Variants in ERG observed in about 807,000 individuals in gnomAD.
The protein encoded by ERG is transcriptional regulator ERG.
A neutral mutation model predicts 55.3 loss-of-function variants in ERG; 9 were observed. The observed-to-expected ratio is 0.16, with a 90% CI of 0.10 to 0.28. The LOEUF (loss-of-function observed/expected upper bound fraction) is 0.28, where lower values mean the gene tolerates loss of function less well. ERG is among the 10% of genes least tolerant of loss of function. The pLI is 1.00. For synonymous variants in ERG, 223 were observed against 237.3 expected (o/e 0.94, Z 0.55); for missense variants, 434 against 631.6 (o/e 0.69, Z 3.35).
At chr21:38,609,536 A>C (rs2060214114) in intron 1 of ERG, among the ~76,000 whole-genome samples, 1 of 152,268 alleles carries the variant, frequency 6.6e-6, no homozygotes, top group Non-Finnish European at 1.5e-5. Context: ...AAACCACCAC[A>C]AAAATCAGTA....
intron 1 of ERG, among the ~76,000 whole-genome samples, chr21:38,652,201 C>A (rs1267085456): frequency 6.6e-6 from 1 of 152,176 alleles, no homozygotes; most frequent in African/African-American, 2.4e-5. Context: ...TCCAAACACA[C>A]CAGCAGGCCT....
At chr21:38,517,171 A>C (rs930781680) in intron 2 of ERG, among the ~76,000 whole-genome samples, 16 of 152,164 alleles carry the variant, frequency 1.1e-4, no homozygotes, top group African/African-American at 3.9e-4. Context: ...AGCAGAGTGA[A>C]GAGACAACCT....
chr21:38,498,845 G>A (rs760512024), upstream of ERG, among the ~76,000 whole-genome samples: 29 of 152,220 alleles, frequency 1.9e-4, no homozygotes, highest in Non-Finnish European at 3.1e-4. This position sits in a 1 kb window ranked among gnomAD's most constrained non-coding sequence, Gnocchi z 4.6. Context: ...TCAGCCCTTC[G>A]CAGCCCAATT....
chr21:38,643,296 G>A (rs1393170630), intron 1 of ERG, among the ~76,000 whole-genome samples: 1 of 152,162 alleles, frequency 6.6e-6, no homozygotes, highest in Non-Finnish European at 1.5e-5. Context: ...AAGATTTACG[G>A]GATGGTTTAA....
At chr21:38,551,878 A>G (rs2059826650) in intron 2 of ERG, among the ~76,000 whole-genome samples, 1 of 152,164 alleles carries the variant, frequency 6.6e-6, no homozygotes, top group Non-Finnish European at 1.5e-5. Context: ...TGTCAAGTTT[A>G]GGTCTCAAAT....
chr21:38,484,325 C>T (rs2059264550), intron 1 of ERG, among the ~76,000 whole-genome samples: 1 of 152,108 alleles, frequency 6.6e-6, no homozygotes. Context: ...TAGATCCCTG[C>T]TCACCTCCCC....
At chr21:38,373,331 T>A in the ERG span, among the ~76,000 whole-genome samples, 1 of 152,346 alleles carries the variant, frequency 6.6e-6, no homozygotes, top group East Asian at 1.9e-4. Flanking sequence ...TTTTCAAAAA[T>A]TTCCCCAAGA....
intron 1 of ERG, among the ~76,000 whole-genome samples, chr21:38,477,458 C>A (rs1382210984): frequency 6.6e-6 from 1 of 152,110 alleles, no homozygotes; most frequent in South Asian, 2.1e-4. Context: ...TCATGGGGAG[C>A]AAACCTGTGA....
intron 2 of ERG, among the ~76,000 whole-genome samples, chr21:38,516,516 T>C (rs1466350166): frequency 6.6e-6 from 1 of 151,968 alleles, no homozygotes; most frequent in Non-Finnish European, 1.5e-5. Context: ...GAAGAACTAA[T>C]ATCATTAAAA....
chr21:38,599,240 T>C (rs1436172219), intron 1 of ERG, among the ~76,000 whole-genome samples: 1 of 152,036 alleles, frequency 6.6e-6, no homozygotes, highest in South Asian at 2.1e-4. Context: ...CAGGGACCCA[T>C]GGCAGGTGGC....
intron 1 of ERG, among the ~76,000 whole-genome samples, chr21:38,628,393 C>A (rs1172060343): frequency 6.6e-6 from 1 of 152,128 alleles, no homozygotes; most frequent in Admixed American, 6.6e-5. Flanking sequence ...AGAGCTTTGC[C>A]CATCTAAGGG....
At chr21:38,554,040 T>C (rs1387295455) in intron 2 of ERG, among the ~76,000 whole-genome samples, 2 of 151,734 alleles carry the variant, frequency 1.3e-5, no homozygotes, top group African/African-American at 4.8e-5. Flanking sequence ...AAAAGACACT[T>C]CTCAAAAGAA....
At chr21:38,375,483 G>C (rs1651178819), downstream of ERG, among the ~76,000 whole-genome samples, 1 of 152,154 alleles carries the variant, frequency 6.6e-6, no homozygotes, top group Admixed American at 6.5e-5. Flanking sequence ...GCAAATGCTT[G>C]TTAAGTAAAT....
chr21:38,508,412 C>T (rs975408960), intron 2 of ERG, among the ~76,000 whole-genome samples: 6 of 151,972 alleles, frequency 3.9e-5, no homozygotes, highest in African/African-American at 7.3e-5. Context: ...AAAAAAATAC[C>T]GGCTGTAAGA....
intron 1 of ERG, among the ~76,000 whole-genome samples, chr21:38,459,971 T>A (rs2059025803): frequency 6.6e-6 from 1 of 152,054 alleles, no homozygotes; most frequent in Non-Finnish European, 1.5e-5. Context: ...AGGTGGTAAG[T>A]GATAAGTATG....
intron 1 of ERG, among the ~76,000 whole-genome samples, chr21:38,648,735 A>G (rs2060471580): frequency 6.6e-6 from 1 of 152,130 alleles, no homozygotes; most frequent in Non-Finnish European, 1.5e-5. Flanking sequence ...CCCAGACACA[A>G]ATTTCCATGA....
At chr21:38,528,440 T>TTTTTTTG (rs1252911499) in intron 2 of ERG, among the ~76,000 whole-genome samples, 1 of 20,352 alleles carries the variant, frequency 4.9e-5, no homozygotes, top group Non-Finnish European at 1.2e-4. Context: ...AAACTTTTTT[T>TTTTTTTG]TTTTTTTTTT....
intron 6 of ERG, among the ~76,000 whole-genome samples, chr21:38,394,385 C>T (rs1327899888): frequency 1.3e-5 from 2 of 151,438 alleles, no homozygotes; most frequent in East Asian, 3.9e-4. Context: ...TGGAGTCTCG[C>T]TCTGTCCCCC....
At chr21:38,410,618 A>G (rs1248262187) in intron 3 of ERG, among the ~76,000 whole-genome samples, 1 of 152,236 alleles carries the variant, frequency 6.6e-6, no homozygotes, top group Non-Finnish European at 1.5e-5. Flanking sequence ...TTTAAAAAAA[A>G]TATTTCCATG....
Sources: gnomAD v4.1 joint callset for allele counts (sites outside exome capture counted in the v4.1 genomes callset) on GRCh38, gnomAD v4.1.1 for gene constraint, Gnocchi (gnomAD v3.1) non-coding constraint, MANE v1.5 for transcripts, NCBI Gene and HGNC (gene_info 2026-07-23, HGNC 2026-07-21) for gene names.